Variants in AASS observed in about 807,000 individuals in gnomAD.
The protein encoded by AASS is aminoadipate-semialdehyde synthase.
A neutral mutation model predicts 105.4 loss-of-function variants in AASS; 86 were observed. That is an observed-to-expected ratio of 0.82 (90% confidence interval 0.69 to 0.98). The LOEUF (loss-of-function observed/expected upper bound fraction) is 0.98. Ranked by LOEUF, AASS falls within the 50% of genes least tolerant of loss-of-function variation. The probability of loss-of-function intolerance (pLI) is 0.00; values close to 1 mark genes in which losing one functional copy is unlikely to be tolerated. For synonymous variants in AASS, 381 were observed against 394.8 expected, an observed-to-expected ratio of 0.96 and a Z score of 0.41; for missense variants, 1,048 against 1,143.2, an observed-to-expected ratio of 0.92 and a Z score of 1.20.
At chr7:122,113,530 A>G in intron 10 of AASS, 68 bp downstream of exon 10, 1 of 1,579,338 alleles carries the variant, frequency 6.3e-7, no homozygotes, top group Non-Finnish European at 8.7e-7. Flanking sequence ...TAAAATACTG[A>G]GAATTTTAGA....
At chr7:122,123,340 CAGAA>C (rs1795517946) in intron 4 of AASS, among the ~76,000 whole-genome samples, 1 of 152,210 alleles carries the variant, frequency 6.6e-6, no homozygotes, top group South Asian at 2.1e-4. Flanking sequence ...TTTCTCCAGA[CAGAA>C]AGCCAGGGTG....
At chr7:122,076,799 T>A (rs904873492) in intron 23 of AASS, among the ~76,000 whole-genome samples, 192 bp from the exon 24 acceptor site, 1 of 152,082 alleles carries the variant, frequency 6.6e-6, no homozygotes, top group Non-Finnish European at 1.5e-5. Context: ...GGAAAAGGAG[T>A]TGATTTTAGA....
intron 20 of AASS, among the ~76,000 whole-genome samples, chr7:122,080,731 T>C (rs894555968): frequency 1.3e-5 from 2 of 152,180 alleles, no homozygotes; most frequent in Non-Finnish European, 2.9e-5. Flanking sequence ...CCTCCATAAA[T>C]ATATACACCT....
At chr7:122,086,980 G>T (rs1793661372) in intron 18 of AASS, among the ~76,000 whole-genome samples, 1 of 151,856 alleles carries the variant, frequency 6.6e-6, no homozygotes, top group Non-Finnish European at 1.5e-5. Flanking sequence ...TAGTTTATTG[G>T]CTTATTATTA....
intron 15 of AASS, among the ~76,000 whole-genome samples, chr7:122,095,622 T>G (rs1794115666): frequency 6.6e-6 from 1 of 151,868 alleles, no homozygotes; most frequent in African/African-American, 2.4e-5. Flanking sequence ...AGGCATTTAT[T>G]CCTCCTCAGG....
chr7:122,077,617 CT>C (rs1400720882), intron 23 of AASS, among the ~76,000 whole-genome samples: 2 of 152,202 alleles, frequency 1.3e-5, no homozygotes, highest in Non-Finnish European at 2.9e-5. Context: ...ACTCAGCCAC[CT>C]TGGAACTGAG....
chr7:122,085,675 G>A (rs566657959), intron 19 of AASS, among the ~76,000 whole-genome samples: 1 of 152,052 alleles, frequency 6.6e-6, no homozygotes, highest in Non-Finnish European at 1.5e-5. Flanking sequence ...TGGGAGCACT[G>A]CCACCACTCT....
chr7:122,128,390 C>T (rs1795754178), intron 3 of AASS, among the ~76,000 whole-genome samples: 1 of 152,200 alleles, frequency 6.6e-6, no homozygotes, highest in Admixed American at 6.5e-5. Flanking sequence ...GATGTATTGG[C>T]TCGGTCCTTC....
intron 6 of AASS, among the ~76,000 whole-genome samples, chr7:122,117,379 A>G (rs1206312310): frequency 6.6e-6 from 1 of 152,164 alleles, no homozygotes; most frequent in African/African-American, 2.4e-5. Context: ...TTGAAGCAGG[A>G]ATTATTTTAC....
chr7:122,116,792 G>T (rs762928537), intron 7 of AASS, 32 bp from the exon 8 acceptor site: 1 of 1,613,608 alleles, frequency 6.2e-7, no homozygotes, highest in Admixed American at 1.7e-5. Flanking sequence ...AGTAAAGTGG[G>T]TGACAAATAA....
At chr7:122,096,814 T>G (rs1357619875) in intron 15 of AASS, among the ~76,000 whole-genome samples, 1 of 152,088 alleles carries the variant, frequency 6.6e-6, no homozygotes, top group Non-Finnish European at 1.5e-5. Flanking sequence ...AAGAGATTGA[T>G]GTCTTTGTCC....
chr7:122,133,611 C>T lies in AASS; in HGVS notation c.116G>A (p.Arg39Lys). 1 of 1,614,186 alleles carries T rather than the reference C, an allele frequency of 6.2e-7. No individual in the cohort carries two copies. Among genetic ancestry groups the T allele is most frequent in the Non-Finnish European group, 8.5e-7 (1 of 1,180,024 alleles). Residue 39 changes from arginine (R) to lysine (K), a missense_variant, in exon 2 of 24, where the codon AGG becomes AAG. Physicochemically the swap from Arg to Lys is conservative, Grantham distance 26. Coordinates refer to ENST00000417368, the MANE Select transcript of AASS (RefSeq NM_005763.4). ...GATGTGCTTGGGAGCTAGCGGGGCC[C>T]TTCTCTCCCAGGCGTTCACATCCTC... ...RREDVNAWERRAPLAPKHIKG... is the reference protein window; with the variant it reads ...RREDVNAWERKAPLAPKHIKG...
At chr7:122,142,243 A>G (rs1796435626) in intron 1 of AASS, among the ~76,000 whole-genome samples, 1 of 152,178 alleles carries the variant, frequency 6.6e-6, no homozygotes, top group Non-Finnish European at 1.5e-5. Flanking sequence ...AATTGAGCTA[A>G]TATGCATAAA....
At chr7:122,100,145 G>GT (rs1383269910) in intron 13 of AASS, among the ~76,000 whole-genome samples, 10 of 151,962 alleles carry the variant, frequency 6.6e-5, no homozygotes, top group Non-Finnish European at 1.0e-4. Context: ...TTTGTTATCA[G>GT]TATCTTGGCA....
intron 7 of AASS, 58 bp from the exon 8 acceptor site, chr7:122,116,818 A>C: frequency 3.1e-6 from 5 of 1,611,850 alleles, no homozygotes; most frequent in Non-Finnish European, 4.2e-6. Flanking sequence ...ATTTATGGTG[A>C]TAAAATATTA....
At chr7:122,139,010 A>G (rs1796271980) in intron 1 of AASS, among the ~76,000 whole-genome samples, 1 of 152,132 alleles carries the variant, frequency 6.6e-6, no homozygotes, top group African/African-American at 2.4e-5. Flanking sequence ...AAGAAAAGCC[A>G]CTCTCAGGAC....
chr7:122,081,449 A>G (rs748161288), intron 20 of AASS, 51 bp downstream of exon 20: 3 of 1,390,728 alleles, frequency 2.2e-6, no homozygotes, highest in Admixed American at 1.7e-5. Context: ...CGACCATTTC[A>G]GAAGGTATTT....
intron 8 of AASS, among the ~76,000 whole-genome samples, chr7:122,116,107 TATAAG>T (rs1171414633): frequency 6.6e-6 from 1 of 152,210 alleles, no homozygotes; most frequent in Non-Finnish European, 1.5e-5. Context: ...TTTTATTTCT[TATAAG>T]ATGTGTGTCG....
chr7:122,140,136 A>G (rs1431907435), intron 1 of AASS, among the ~76,000 whole-genome samples: 1 of 152,078 alleles, frequency 6.6e-6, no homozygotes, highest in African/African-American at 2.4e-5. Context: ...ATACTTTTTA[A>G]GCTTATAGAT....
Sources: gnomAD v4.1 joint callset for allele counts (sites outside exome capture counted in the v4.1 genomes callset) on GRCh38, gnomAD v4.1.1 for gene constraint, MANE v1.5 for transcripts, NCBI Gene and HGNC (gene_info 2026-07-23, HGNC 2026-07-21) for gene names.